The following KIF26B variants were observed in gnomAD, a reference collection of about 807,000 sequenced individuals.
The protein encoded by KIF26B is kinesin-like protein KIF26B.
A neutral mutation model predicts 151.2 loss-of-function variants in KIF26B; 63 were observed. The observed-to-expected ratio is 0.42, with a 90% CI of 0.34 to 0.51. The LOEUF (loss-of-function observed/expected upper bound fraction) is 0.51. Ranked by LOEUF, KIF26B falls within the 20% of genes least tolerant of loss-of-function variation. The pLI is 0.07. For synonymous variants in KIF26B, 1,357 were observed against 1,262.1 expected (o/e 1.08, Z -1.59); for missense variants, 2,813 against 2,913.6 (o/e 0.97, Z 0.79).
chr1:245,602,514 G>A lies in KIF26B; in HGVS notation c.1351-63G>A. The A allele has an allele frequency of 1.5e-6, 2 of 1,306,098 alleles. No individual in the cohort carries two copies. Among genetic ancestry groups the A allele is most frequent in the Non-Finnish European group, 2.2e-6 (2 of 923,156 alleles). 80.9% of individuals were successfully genotyped at this position (1,306,098 alleles called of 1,614,324 possible). On this transcript the variant is annotated intron_variant, in intron 5 of 14. Transcript: ENST00000407071. The surrounding 1 kb of genome is among the most constrained non-coding windows in gnomAD (Gnocchi z 4.5). ...GCATGTATATCGCAGAGTATACAAG[G>A]GTGCTCCATCGTAAAACACCCAGCT... is the stretch of plus-strand genomic sequence containing the variant.
chr1:245,491,058 A>AT (rs1660398903), intron 4 of KIF26B, among the ~76,000 whole-genome samples: 1 of 152,050 alleles, frequency 6.6e-6, no homozygotes, highest in East Asian at 1.9e-4. Flanking sequence ...GTACTGAAGA[A>AT]TTTTTTCCTG....
intron 2 of KIF26B, among the ~76,000 whole-genome samples, chr1:245,192,894 A>ATT (rs11394975): frequency 0.015 from 2,282 of 151,722 alleles, 33 homozygotes; most frequent in Non-Finnish European, 0.023. Context: ...CCAACAGATA[A>ATT]TTTTTTTTTA....
At chr1:245,207,784 C>T (rs759512413) in intron 2 of KIF26B, among the ~76,000 whole-genome samples, 36 of 152,186 alleles carry the variant, frequency 2.4e-4, no homozygotes, top group African/African-American at 5.8e-4. Flanking sequence ...CACACGTACA[C>T]ATCGTTTTTC....
intron 2 of KIF26B, among the ~76,000 whole-genome samples, chr1:245,266,228 T>A (rs1670742486): frequency 6.6e-6 from 1 of 152,148 alleles, no homozygotes; most frequent in African/African-American, 2.4e-5. Context: ...AACCCCAAAT[T>A]AAAGCCATAA....
At chr1:245,664,886 T>TTACA (rs915772241) in intron 10 of KIF26B, among the ~76,000 whole-genome samples, 1 of 152,184 alleles carries the variant, frequency 6.6e-6, no homozygotes, top group Non-Finnish European at 1.5e-5. Context: ...ACCTATATAT[T>TTACA]TACATATATG....
rs375899973 is a variant in KIF26B at position 245,698,953 on chromosome 1, C to T, written c.6094C>T (p.Arg2032Cys). ...CCGCCAGCAGAGGATCGCCGAGGTC[C>T]GCGCGAAGTACGAGTGGCTGATGAA... is the stretch of plus-strand genomic sequence containing the variant. ...EHRQQRIAEV[R>C]AKYEWLMKEL... is the part of the protein sequence containing the mutation. Residue 2032 changes from arginine (R) to cysteine (C), a missense_variant, in exon 14 of 15, where the codon CGC (arginine) becomes TGC (cysteine). Physicochemically the swap from Arg to Cys is radical, Grantham distance 180 (BLOSUM62 -3). Coordinates refer to ENST00000407071, the MANE Select transcript of KIF26B (RefSeq NM_018012.4). This position sits in a 1 kb window ranked among gnomAD's most constrained non-coding sequence, Gnocchi z 4.0. The T allele has an allele frequency of 2.4e-5, 38 of 1,614,028 alleles. No individual in the cohort carries two copies. Among genetic ancestry groups the T allele is most frequent in the African/African-American group, 1.3e-4 (10 of 75,048 alleles).
In KIF26B at chr1:245,171,347, G is replaced by T. The variant is rs185035164; in HGVS notation, c.465+14664G>T. 2.0e-4 allele frequency among the ~76,000 whole-genome samples: 31 copies of T among 152,268 alleles called. No homozygotes were observed. The East Asian group carries it at 3.7e-3, about 18-fold the overall frequency. On this transcript the variant is annotated intron_variant, in intron 2 of 14. Coordinates refer to ENST00000407071, the MANE Select transcript of KIF26B (RefSeq NM_018012.4). The stretch of plus-strand genomic sequence containing the variant: ...TCACGATGTCGGGAGTTCGAAACCA[G>T]CCTGACCAACATGGTGAAACCCCGT...
rs1351722395 is a variant in KIF26B at position 245,495,352 on chromosome 1, T to A, written c.1167-45415T>A. 6.6e-6 allele frequency among the ~76,000 whole-genome samples: 1 copy of A among 152,224 alleles called. No homozygotes were observed. The highest frequency in any genetic ancestry group is 1.5e-5 in the Non-Finnish European group (1 of 68,026). On this transcript the variant is annotated intron_variant, in intron 4 of 14. Transcript: ENST00000407071. The surrounding 1 kb of genome is among the most constrained non-coding windows in gnomAD (Gnocchi z 4.2). ...TTTCTTTTTCTTTTTAGTTGACACA[T>A]AATAATTGTACATATTTGTAGGTAC...
At chr1:245,236,043 C>T (rs968277349) in intron 2 of KIF26B, among the ~76,000 whole-genome samples, 2 of 151,972 alleles carry the variant, frequency 1.3e-5, no homozygotes, top group Non-Finnish European at 2.9e-5. Context: ...GATTCTCCTG[C>T]CCCAGCTTCC....
chr1:245,530,649 G>A (rs186075945), intron 4 of KIF26B, among the ~76,000 whole-genome samples: 15 of 152,330 alleles, frequency 9.8e-5, no homozygotes, highest in Admixed American at 9.1e-4. Context: ...AAATCTTTCA[G>A]CTCCTACCAG....
At chr1:245,175,052 G>A (rs1668779235) in intron 2 of KIF26B, among the ~76,000 whole-genome samples, 1 of 152,032 alleles carries the variant, frequency 6.6e-6, no homozygotes, top group Non-Finnish European at 1.5e-5. Context: ...TTCTCCTGGG[G>A]GCCCATTGCT....
rs376807437 is a variant in KIF26B, at chr1:245,687,577, G to A, written c.4594G>A (p.Val1532Ile). Residue 1532 changes from valine to isoleucine, a missense_variant, in exon 12 of 15, where the codon GTC becomes ATC. This residue lies in a region of KIF26B where 2,060 missense variants were observed against 2,088.6 expected (regional missense o/e 0.99). Coordinates refer to ENST00000407071, the MANE Select transcript of KIF26B (RefSeq NM_018012.4). The surrounding 1 kb of genome is among the most constrained non-coding windows in gnomAD (Gnocchi z 4.9). ...TQSPVHPNKS[V>I]KSSSLPRAFQ... ...GAGCCCCGTGCATCCCAACAAAAGC[G>A]TCAAGTCCAGCAGCCTTCCCAGGGC... 2.6e-5 allele frequency: 40 copies of A among 1,564,522 alleles called. No homozygotes were observed. The highest frequency in any genetic ancestry group is 4.1e-5 in the African/African-American group (3 of 73,564).
chr1:245,380,591 G>T (rs1476970478), intron 3 of KIF26B, among the ~76,000 whole-genome samples: 1 of 152,264 alleles, frequency 6.6e-6, no homozygotes, highest in East Asian at 1.9e-4. Flanking sequence ...CAAAACTGAG[G>T]CCCAGGCCTG....
At chr1:245,608,002 T>A (rs1200230344) in intron 7 of KIF26B, among the ~76,000 whole-genome samples, 1 of 152,166 alleles carries the variant, frequency 6.6e-6, no homozygotes, top group Non-Finnish European at 1.5e-5. Flanking sequence ...TTGGTCCAGG[T>A]CAGAGTCAAG....
intron 2 of KIF26B, among the ~76,000 whole-genome samples, chr1:245,302,086 G>A (rs927696332): frequency 4.6e-5 from 7 of 152,192 alleles, no homozygotes; most frequent in Admixed American, 1.3e-4. Context: ...GAAGAATTTG[G>A]TTTTCTCTGT....
chr1:245,168,299 G>C (rs1354697065), intron 2 of KIF26B, among the ~76,000 whole-genome samples: 2 of 152,244 alleles, frequency 1.3e-5, no homozygotes, highest in Non-Finnish European at 2.9e-5. Context: ...TCCAGCCAAG[G>C]GGAGGGACCG....
intron 4 of KIF26B, among the ~76,000 whole-genome samples, chr1:245,538,936 C>CCAG (rs1661542572): frequency 6.6e-6 from 1 of 151,990 alleles, no homozygotes; most frequent in Non-Finnish European, 1.5e-5. Flanking sequence ...AAAGGAATGA[C>CCAG]TGGTCATTGA....
intron 3 of KIF26B, among the ~76,000 whole-genome samples, chr1:245,394,736 G>A (rs968210118): frequency 2.3e-4 from 32 of 137,268 alleles, no homozygotes; most frequent in African/African-American, 9.0e-4. Context: ...TGTTGCCCGG[G>A]CTAGAGTGCA....
intron 2 of KIF26B, among the ~76,000 whole-genome samples, chr1:245,322,526 C>T (rs1671910065): frequency 1.3e-5 from 2 of 152,050 alleles, no homozygotes; most frequent in African/African-American, 4.8e-5. Context: ...ATTGAAGAAA[C>T]GAATACTAAC....
Sources: allele counts gnomAD v4.1 joint callset (sites outside exome capture counted in the v4.1 genomes callset), GRCh38; gene constraint gnomAD v4.1.1; regional missense constraint gnomAD v4.1.1; non-coding constraint Gnocchi (gnomAD v3.1); transcripts MANE v1.5; gene names NCBI Gene and HGNC (gene_info 2026-07-23, HGNC 2026-07-21).